The following SLC1A1 variants were observed in gnomAD, a reference collection of about 807,000 sequenced individuals.
The protein encoded by SLC1A1 is excitatory amino acid transporter 3.
Under a neutral mutation model 53.3 loss-of-function variants are expected in SLC1A1, and 43 were observed. The ratio of observed to expected loss-of-function variants is 0.81; its 90% CI spans 0.63 to 1.04. SLC1A1 has a LOEUF of 1.04. Ranked by LOEUF, SLC1A1 falls within the 50% of genes least tolerant of loss-of-function variation. The probability of loss-of-function intolerance (pLI) is 0.00; values close to 1 mark genes in which losing one functional copy is unlikely to be tolerated. For missense variants in SLC1A1, 748 were observed against 664.9 expected (o/e 1.12, Z -1.37); for synonymous variants, 307 against 243.2 (o/e 1.26, Z -2.44).
rs1227893554 is a variant in SLC1A1 at position 4,556,207 on chromosome 9, A to G, written c.233-5242A>G. On this transcript the variant is annotated intron_variant, in intron 2 of 11. Coordinates refer to ENST00000262352, the MANE Select transcript of SLC1A1 (RefSeq NM_004170.6). This position sits in a 1 kb window ranked among gnomAD's most constrained non-coding sequence, Gnocchi z 4.1. ...TGTTTTTTTGTTTTTTTAAGTAGAG[A>G]TGGGGTTTCACCATGTTGGCCAGGC... is the stretch of plus-strand genomic sequence containing the variant. Among the ~76,000 whole-genome samples, 4 of 151,910 alleles carry G rather than the reference A, an allele frequency of 2.6e-5. No homozygotes were observed. Among genetic ancestry groups the G allele is most frequent in the Non-Finnish European group, 5.9e-5 (4 of 67,984 alleles).
intron 1 of SLC1A1, among the ~76,000 whole-genome samples, chr9:4,495,706 G>C (rs1305760957): frequency 1.3e-5 from 2 of 151,596 alleles, no homozygotes; most frequent in Admixed American, 6.6e-5. Context: ...GCTGGGGGCA[G>C]AGCAATAGGG....
chr9:4,557,395 T>A (rs937555083), intron 2 of SLC1A1, among the ~76,000 whole-genome samples: 1 of 152,242 alleles, frequency 6.6e-6, no homozygotes, highest in African/African-American at 2.4e-5. Flanking sequence ...TTCGACATTG[T>A]CGAGCACCCA....
chr9:4,491,938 G>T (rs886672743), intron 1 of SLC1A1, among the ~76,000 whole-genome samples: 2 of 152,316 alleles, frequency 1.3e-5, no homozygotes, highest in East Asian at 3.9e-4. Context: ...CTCAGGGTGG[G>T]GATAGGGCAT....
chr9:4,577,298 G>A (rs1334196387), intron 10 of SLC1A1, among the ~76,000 whole-genome samples: 2 of 152,202 alleles, frequency 1.3e-5, no homozygotes, highest in African/African-American at 4.8e-5. Flanking sequence ...TTGTGATGCA[G>A]CCATGGGCTA....
chr9:4,561,039 AG>A (rs1818889842), intron 2 of SLC1A1, among the ~76,000 whole-genome samples: 1 of 152,202 alleles, frequency 6.6e-6, no homozygotes, highest in East Asian at 1.9e-4. Flanking sequence ...AAACGATCTC[AG>A]TTCTTTGAGA....
intron 1 of SLC1A1, among the ~76,000 whole-genome samples, chr9:4,522,320 G>A (rs1251546842): frequency 6.6e-6 from 1 of 151,972 alleles, no homozygotes; most frequent in Non-Finnish European, 1.5e-5. Flanking sequence ...CAAAGTGCTG[G>A]GATTACAGGT....
In SLC1A1 at chr9:4,564,414, C is replaced by G. The variant is rs2129701384; in HGVS notation, c.396C>G (p.Ser132Arg). The change falls in exon 4 of 12, where the codon AGC becomes AGG. Residue 132 changes from serine to arginine, a missense_variant. Ser to Arg is a moderately radical substitution (Grantham distance 110). Transcript: ENST00000262352. ...QKVGEIARTG[S>R]TPEVSTVDAM... ...TGGGTGAAATTGCGAGGACAGGCAG[C>G]ACCCCTGAAGTCAGTACGGTGGATG... The G allele has an allele frequency of 6.2e-7, 1 of 1,613,728 alleles. No individual in the cohort carries two copies. The highest frequency in any genetic ancestry group is 2.2e-5 in the East Asian group (1 of 44,876).
chr9:4,515,876 G>A (rs1322858386), intron 1 of SLC1A1, among the ~76,000 whole-genome samples: 1 of 152,118 alleles, frequency 6.6e-6, no homozygotes, highest in African/African-American at 2.4e-5. Flanking sequence ...CTTCTGTCCT[G>A]TGTGTTTCCA....
At chr9:4,527,641 A>T (rs752320069) in intron 1 of SLC1A1, among the ~76,000 whole-genome samples, 6 of 152,204 alleles carry the variant, frequency 3.9e-5, no homozygotes, top group Non-Finnish European at 7.3e-5. Flanking sequence ...TCCACAAAAG[A>T]TCTACAGAAA....
intron 6 of SLC1A1, among the ~76,000 whole-genome samples, chr9:4,570,560 G>A (rs545008345): frequency 7.2e-5 from 11 of 151,836 alleles, no homozygotes; most frequent in East Asian, 1.9e-4. Context: ...TAGTAGAGAC[G>A]GGGTTTCACC....
intron 2 of SLC1A1, among the ~76,000 whole-genome samples, chr9:4,545,685 A>G (rs10815015): frequency 0.12 from 18,231 of 152,272 alleles, 1,304 homozygotes; most frequent in African/African-American, 0.2. Context: ...ATGGAAGTGC[A>G]CCATATTCGA....
intron 8 of SLC1A1, among the ~76,000 whole-genome samples, chr9:4,575,425 T>C (rs1408512634): frequency 6.6e-6 from 1 of 152,200 alleles, no homozygotes; most frequent in East Asian, 1.9e-4. Context: ...GAGACTTTTT[T>C]CCTTACTGTA....
chr9:4,582,944 G>C (rs115702012), intron 10 of SLC1A1, 94 bp from the exon 11 acceptor site: 1 of 1,490,538 alleles, frequency 6.7e-7, no homozygotes, highest in East Asian at 2.3e-5. Flanking sequence ...AGCAGTAATA[G>C]CCATCGGGAC....
intron 6 of SLC1A1, 21 bp downstream of exon 6, chr9:4,567,788 T>TCCTC (rs1435766463): frequency 1.4e-6 from 2 of 1,427,104 alleles, no homozygotes; most frequent in African/African-American, 2.8e-5. Flanking sequence ...TATTTCCTGT[T>TCCTC]CCTCTTCCCC....
intron 1 of SLC1A1, among the ~76,000 whole-genome samples, chr9:4,496,201 A>C (rs540050790): frequency 6.6e-6 from 1 of 152,210 alleles, no homozygotes; most frequent in Non-Finnish European, 1.5e-5. Flanking sequence ...TGTGATAGAA[A>C]TTAAGAACAG....
At chr9:4,573,301 G>A (rs1820235047) in intron 7 of SLC1A1, among the ~76,000 whole-genome samples, 3 of 152,154 alleles carry the variant, frequency 2.0e-5, no homozygotes, top group Non-Finnish European at 1.5e-5. Context: ...AGTAAAAATG[G>A]CAAGGCAGGT....
intron 1 of SLC1A1, among the ~76,000 whole-genome samples, chr9:4,520,875 T>C (rs1270451935): frequency 6.6e-6 from 1 of 152,198 alleles, no homozygotes; most frequent in African/African-American, 2.4e-5. Context: ...TTTTACATTC[T>C]CACCAAAAAG....
chr9:4,512,209 C>G (rs1050383857), intron 1 of SLC1A1, among the ~76,000 whole-genome samples: 10 of 152,114 alleles, frequency 6.6e-5, no homozygotes, highest in Non-Finnish European at 1.3e-4. Context: ...ACCAGACAAG[C>G]TGATTCTAAA....
chr9:4,496,944 G>A (rs1409700203), intron 1 of SLC1A1, among the ~76,000 whole-genome samples: 1 of 152,030 alleles, frequency 6.6e-6, no homozygotes, highest in African/African-American at 2.4e-5. Flanking sequence ...AATAATGAAT[G>A]CTGTTGGGTG....
Sources: gnomAD v4.1 joint callset for allele counts (sites outside exome capture counted in the v4.1 genomes callset) on GRCh38, gnomAD v4.1.1 for gene constraint, Gnocchi (gnomAD v3.1) non-coding constraint, MANE v1.5 for transcripts, NCBI Gene and HGNC (gene_info 2026-07-23, HGNC 2026-07-21) for gene names.